Variants in TMC2 observed in about 807,000 individuals in gnomAD.
The protein encoded by TMC2 is transmembrane channel-like protein 2.
TMC2 carries 102 observed loss-of-function variants against 105.9 expected under a neutral mutation model. That is an observed-to-expected ratio of 0.96 (90% confidence interval 0.82 to 1.14). The LOEUF is 1.14. TMC2 is among the 50% of genes most tolerant of loss of function. TMC2 has a pLI of 0.00. For missense variants in TMC2, 1,093 were observed against 1,134.3 expected (o/e 0.96, Z 0.52); for synonymous variants, 402 against 422.8 (o/e 0.95, Z 0.60).
At chr20:2,565,601 T>C (rs1336722771) in intron 4 of TMC2, among the ~76,000 whole-genome samples, 1 of 152,190 alleles carries the variant, frequency 6.6e-6, no homozygotes, top group East Asian at 1.9e-4. Context: ...CCAGTATGAT[T>C]TCTTCTTCTG....
intron 14 of TMC2, among the ~76,000 whole-genome samples, chr20:2,615,506 G>A (rs1408780072): frequency 2.0e-5 from 3 of 152,142 alleles, no homozygotes; most frequent in Non-Finnish European, 2.9e-5. Context: ...CATGCTTCAT[G>A]AGGACCCTCA....
At chr20:2,640,667 C>A (rs950139542) in intron 19 of TMC2, among the ~76,000 whole-genome samples, 4 of 152,152 alleles carry the variant, frequency 2.6e-5, no homozygotes, top group Non-Finnish European at 5.9e-5. Context: ...TTCTGTGTCC[C>A]AGAACAAGAG....
intron 16 of TMC2, 154 bp downstream of exon 16, chr20:2,617,465 C>A: frequency 9.8e-7 from 1 of 1,018,092 alleles, no homozygotes; most frequent in Non-Finnish European, 1.4e-6. Flanking sequence ...GGGTTTTCTG[C>A]CAGGATGGAA....
intron 2 of TMC2, among the ~76,000 whole-genome samples, chr20:2,546,845 T>C (rs2085929359): frequency 6.6e-6 from 1 of 152,132 alleles, no homozygotes; most frequent in African/African-American, 2.4e-5. Context: ...AGTGAAACAT[T>C]TCATGACAAT....
chr20:2,576,917 T>G (rs563619617), intron 5 of TMC2, among the ~76,000 whole-genome samples: 4,569 of 149,094 alleles, frequency 0.031, 264 homozygotes, highest in African/African-American at 0.11. Flanking sequence ...TTTTTTGTTT[T>G]TTTTTTTTTG....
At chr20:2,585,063 A>C (rs1158862502) in intron 7 of TMC2, among the ~76,000 whole-genome samples, 1 of 152,190 alleles carries the variant, frequency 6.6e-6, no homozygotes, top group Middle Eastern at 3.2e-3. Flanking sequence ...ATACAAATAG[A>C]AATATGTAGT....
At chr20:2,554,761 A>G in intron 2 of TMC2, among the ~76,000 whole-genome samples, 1 of 152,168 alleles carries the variant, frequency 6.6e-6, no homozygotes, top group East Asian at 1.9e-4. Context: ...TTTCTGTTAG[A>G]GATTTCTAGT....
chr20:2,562,080 C>T (rs909963002), intron 4 of TMC2, 70 bp downstream of exon 4: 3 of 1,527,556 alleles, frequency 2.0e-6, no homozygotes, highest in Non-Finnish European at 2.6e-6. Context: ...TGGGAGCCCT[C>T]CCTCCACATT....
chr20:2,572,066 C>T (rs1358262977), intron 4 of TMC2, 113 bp from the exon 5 acceptor site: 1 of 785,372 alleles, frequency 1.3e-6, no homozygotes, highest in East Asian at 2.5e-5. Flanking sequence ...TATATTTTAA[C>T]CAGGGGTATA....
At chr20:2,538,964 C>G (rs542165495) in intron 2 of TMC2, among the ~76,000 whole-genome samples, 5 of 152,334 alleles carry the variant, frequency 3.3e-5, no homozygotes, top group African/African-American at 1.2e-4. Flanking sequence ...CTCAGAATAG[C>G]TACAGTTTGT....
intron 16 of TMC2, among the ~76,000 whole-genome samples, chr20:2,623,429 C>A (rs1176362062): frequency 6.6e-6 from 1 of 151,772 alleles, no homozygotes; most frequent in East Asian, 1.9e-4. Flanking sequence ...ATCCCAGTTA[C>A]TTGAAAGGCT....
rs1017038740 is a variant in TMC2 at position 2,616,361 on chromosome 20, T to A, written c.1940+157T>A. ...ATGAAAAATCAAGAGCGGGACTAGA[T>A]GAGAAGCAGGACAGTTTCTGGCCCA... On this transcript the variant is annotated intron_variant, in intron 15 of 19. Transcript: ENST00000358864. This position sits in a 1 kb window ranked among gnomAD's most constrained non-coding sequence, Gnocchi z 4.8. 6.6e-6 allele frequency among the ~76,000 whole-genome samples: 1 copy of A among 151,668 alleles called. No homozygotes were observed. Among genetic ancestry groups the A allele is most frequent in the African/African-American group, 2.4e-5 (1 of 41,192 alleles).
intron 2 of TMC2, among the ~76,000 whole-genome samples, chr20:2,546,514 G>C (rs2085927299): frequency 6.6e-6 from 1 of 152,132 alleles, no homozygotes; most frequent in African/African-American, 2.4e-5. Context: ...TTGGGCATAA[G>C]CTGTCTACAT....
intron 18 of TMC2, 121 bp downstream of exon 18, chr20:2,636,125 A>T: frequency 1.3e-6 from 1 of 760,030 alleles, no homozygotes; most frequent in Non-Finnish European, 2.3e-6. Flanking sequence ...CCAAATCCCA[A>T]AATATCTGTA....
In TMC2 at chr20:2,622,978, G is replaced by A. The variant is rs116288811; in HGVS notation, c.2181-1293G>A. Among the ~76,000 whole-genome samples the A allele has an allele frequency of 2.0e-3, 298 of 152,036 alleles. 1 individual carries two copies. Among genetic ancestry groups the A allele is most frequent in the African/African-American group, 6.8e-3 (283 of 41,470 alleles). On this transcript the variant is annotated intron_variant, in intron 16 of 19. Transcript: ENST00000358864. Reference sequence around the variant, plus strand: ...ATACAGATGGGGAAACTGGGGCAGAGAAATTTTCAATACCTTGCCCAAAGG... The same window carrying A: ...ATACAGATGGGGAAACTGGGGCAGAAAAATTTTCAATACCTTGCCCAAAGG...
intron 2 of TMC2, among the ~76,000 whole-genome samples, chr20:2,553,994 C>T (rs2085971790): frequency 1.3e-5 from 2 of 152,176 alleles, no homozygotes; most frequent in South Asian, 4.1e-4. Flanking sequence ...AAGTGATTCT[C>T]CTGCCTCAGC....
chr20:2,613,222 T>C lies in TMC2; in HGVS notation c.1772T>C (p.Met591Thr), dbSNP rs755741039. ...TTCATGAGGCTGACGGTGTCTGACATGCTGGTAACGTACATCACCATCCTG... is the reference window on the plus strand; with the variant it reads ...TTCATGAGGCTGACGGTGTCTGACACGCTGGTAACGTACATCACCATCCTG... ...IEFMRLTVSD[M>T]LVTYITILLG... The change falls in exon 14 of 20, where the codon ATG (methionine) becomes ACG (threonine). Residue 591 changes from methionine (M) to threonine (T), a missense_variant. Transcript: ENST00000358864. 2.5e-6 allele frequency: 4 copies of C among 1,613,962 alleles called. No homozygotes were observed. Among genetic ancestry groups the C allele is most frequent in the Admixed American group, 3.3e-5 (2 of 60,016 alleles).
intron 2 of TMC2, among the ~76,000 whole-genome samples, chr20:2,547,694 G>T (rs1052742615): frequency 2.6e-4 from 40 of 152,094 alleles, no homozygotes; most frequent in Non-Finnish European, 2.9e-5. Flanking sequence ...AAACAAAATT[G>T]TCTGGAGAGT....
chr20:2,565,440 G>A (rs537070088), intron 4 of TMC2, among the ~76,000 whole-genome samples: 1 of 152,278 alleles, frequency 6.6e-6, no homozygotes, highest in East Asian at 1.9e-4. Context: ...ACAAGGTCTC[G>A]CTATGTTGCC....
Sources: gnomAD v4.1 joint callset for allele counts (sites outside exome capture counted in the v4.1 genomes callset) on GRCh38, gnomAD v4.1.1 for gene constraint, Gnocchi (gnomAD v3.1) non-coding constraint, MANE v1.5 for transcripts, NCBI Gene and HGNC (gene_info 2026-07-23, HGNC 2026-07-21) for gene names.